Variants in MAGI2 observed in about 807,000 individuals in gnomAD.
MAGI2 encodes membrane associated guanylate kinase, WW and PDZ domain containing 2, also known as membrane-associated guanylate kinase, WW and PDZ domain-containing protein 2.
Under a neutral mutation model 133.3 loss-of-function variants are expected in MAGI2, and 35 were observed. That is an observed-to-expected ratio of 0.26 (90% confidence interval 0.20 to 0.35). The LOEUF (loss-of-function observed/expected upper bound fraction) is 0.35. MAGI2 is among the 10% of genes least tolerant of loss of function. The probability of loss-of-function intolerance (pLI) is 1.00; values close to 1 mark genes in which losing one functional copy is unlikely to be tolerated. For missense variants in MAGI2, 1,636 were observed against 1,863.4 expected, an observed-to-expected ratio of 0.88 and a Z score of 2.25; for synonymous variants, 729 against 710.6, an observed-to-expected ratio of 1.03 and a Z score of -0.41.
At chr7:79,157,096 C>G (rs535442764) in intron 1 of MAGI2, among the ~76,000 whole-genome samples, 11 of 152,106 alleles carry the variant, frequency 7.2e-5, no homozygotes, top group Non-Finnish European at 1.3e-4. Flanking sequence ...AAAGGGTCTT[C>G]TCTGTTGCTT....
chr7:78,432,332 A>G (rs774700366), intron 6 of MAGI2, among the ~76,000 whole-genome samples: 4 of 152,092 alleles, frequency 2.6e-5, no homozygotes, highest in Non-Finnish European at 5.9e-5. Flanking sequence ...ATTTAGATTG[A>G]AATAATTGTA....
At chr7:78,076,706 C>T (rs1240526857) in intron 21 of MAGI2, among the ~76,000 whole-genome samples, 3 of 148,406 alleles carry the variant, frequency 2.0e-5, no homozygotes, top group Non-Finnish European at 4.5e-5. Context: ...ATTAGCCGGG[C>T]GCGGTGGCGG....
intron 6 of MAGI2, among the ~76,000 whole-genome samples, chr7:78,390,811 G>A (rs11761763): frequency 0.046 from 7,008 of 152,170 alleles, 251 homozygotes; most frequent in Middle Eastern, 0.065. Flanking sequence ...AAAATTAGCT[G>A]TAATTTATAT....
intron 9 of MAGI2, among the ~76,000 whole-genome samples, chr7:78,306,328 G>T (rs112448359): frequency 7.2e-5 from 11 of 152,200 alleles, no homozygotes; most frequent in African/African-American, 2.4e-4. Flanking sequence ...GTATAAAATG[G>T]GTTATATGAT....
intron 2 of MAGI2, among the ~76,000 whole-genome samples, chr7:78,749,635 A>G (rs1449632290): frequency 6.6e-6 from 1 of 152,148 alleles, no homozygotes; most frequent in Non-Finnish European, 1.5e-5. Context: ...CAGAATAAGG[A>G]TAGATTGCAG....
At chr7:78,048,233 A>G (rs557545332) in intron 21 of MAGI2, among the ~76,000 whole-genome samples, 1 of 152,320 alleles carries the variant, frequency 6.6e-6, no homozygotes, top group African/African-American at 2.4e-5. Context: ...TGTCTTCTAT[A>G]TGCAGGGTAT....
chr7:78,785,052 A>G (rs908883123), intron 2 of MAGI2, among the ~76,000 whole-genome samples: 5 of 152,208 alleles, frequency 3.3e-5, no homozygotes, highest in Non-Finnish European at 7.4e-5. Flanking sequence ...ATAAATGTTT[A>G]TATTACCCTG....
rs149668728 is a variant in MAGI2 at position 78,502,856 on chromosome 7, G to A, written c.755-1069C>T. Among the ~76,000 whole-genome samples, 9 of 152,218 alleles carry A rather than the reference G, an allele frequency of 5.9e-5. No individual in the cohort carries two copies. The East Asian group carries it at 1.2e-3, about 20-fold the overall frequency. ...AGAATGAGAAGAAGGAACGCACAAG[G>A]AAGAAATAAGTCGACAAACAATAGA... On this transcript the variant is annotated intron_variant, in intron 4 of 21. Transcript: ENST00000354212.
At chr7:78,582,881 G>T (rs1802991228) in intron 3 of MAGI2, among the ~76,000 whole-genome samples, 1 of 152,120 alleles carries the variant, frequency 6.6e-6, no homozygotes, top group African/African-American at 2.4e-5. Context: ...ATATAGCCCT[G>T]CCATTAACTC....
At chr7:79,347,068 C>T (rs987084986) in intron 1 of MAGI2, among the ~76,000 whole-genome samples, 1 of 151,892 alleles carries the variant, frequency 6.6e-6, no homozygotes, top group Non-Finnish European at 1.5e-5. Flanking sequence ...CAACAATCCT[C>T]ACCTTTTTTA....
intron 6 of MAGI2, among the ~76,000 whole-genome samples, chr7:78,382,432 CA>C (rs914233630): frequency 1.3e-5 from 2 of 151,770 alleles, no homozygotes; most frequent in African/African-American, 2.4e-5. Context: ...GCTAACCAGT[CA>C]AAAAAATTAA....
At chr7:78,276,666 A>T (rs1421051122) in intron 9 of MAGI2, among the ~76,000 whole-genome samples, 1 of 152,104 alleles carries the variant, frequency 6.6e-6, no homozygotes, top group Non-Finnish European at 1.5e-5. Flanking sequence ...GTAAAAGATA[A>T]TTGCAGTTAT....
At chr7:79,342,911 C>T (rs1162524026) in intron 1 of MAGI2, among the ~76,000 whole-genome samples, 2 of 151,948 alleles carry the variant, frequency 1.3e-5, no homozygotes, top group Non-Finnish European at 2.9e-5. Flanking sequence ...AGGCACGTGC[C>T]ACCATGCCTG....
At chr7:78,963,596 C>A (rs1803048947) in intron 2 of MAGI2, among the ~76,000 whole-genome samples, 1 of 151,882 alleles carries the variant, frequency 6.6e-6, no homozygotes, top group Non-Finnish European at 1.5e-5. Flanking sequence ...GCCTGGAGAT[C>A]AGAAAGGGAA....
At chr7:79,085,668 T>C (rs757518601) in intron 1 of MAGI2, among the ~76,000 whole-genome samples, 7 of 151,988 alleles carry the variant, frequency 4.6e-5, no homozygotes, top group Non-Finnish European at 1.0e-4. Flanking sequence ...TGTTAGTTCA[T>C]TGAGTATCTT....
At chr7:79,267,863 A>T (rs1397354161) in intron 1 of MAGI2, among the ~76,000 whole-genome samples, 1 of 152,208 alleles carries the variant, frequency 6.6e-6, no homozygotes, top group Non-Finnish European at 1.5e-5. Context: ...AATGTTGAGG[A>T]GTAGTAAGCA....
At position 78,331,223 on chromosome 7, in the gene MAGI2, C is replaced by T. The variant is rs910092386; in HGVS notation, c.1408+12555G>A. On this transcript the variant is annotated intron_variant, in intron 9 of 21. Coordinates refer to ENST00000354212, the MANE Select transcript of MAGI2 (RefSeq NM_012301.4). Reference sequence around the variant, plus strand: ...TAGGGACTACTAGAGTGGGGACAGTCGGGGCAAGGGCTGAGAAACTACCTA... The same window carrying T: ...TAGGGACTACTAGAGTGGGGACAGTTGGGGCAAGGGCTGAGAAACTACCTA... 1.4e-4 allele frequency among the ~76,000 whole-genome samples: 21 copies of T among 152,224 alleles called. No individual in the cohort carries two copies. The East Asian group carries it at 1.5e-3, about 11-fold the overall frequency.
chr7:78,099,448 A>G (rs1462556642), intron 20 of MAGI2, among the ~76,000 whole-genome samples: 2 of 152,218 alleles, frequency 1.3e-5, no homozygotes, highest in Non-Finnish European at 2.9e-5. Context: ...GTGTGCATTG[A>G]ATTAAACAGG....
chr7:79,166,080 T>C (rs1824878045), intron 1 of MAGI2, among the ~76,000 whole-genome samples: 1 of 152,116 alleles, frequency 6.6e-6, no homozygotes, highest in Non-Finnish European at 1.5e-5. Flanking sequence ...CATTGAAGTC[T>C]TACCAAGTAT....
Sources: gnomAD v4.1 joint callset for allele counts (sites outside exome capture counted in the v4.1 genomes callset) on GRCh38, gnomAD v4.1.1 for gene constraint, MANE v1.5 for transcripts, NCBI Gene and HGNC (gene_info 2026-07-23, HGNC 2026-07-21) for gene names.